Variants in ZPBP observed in about 807,000 individuals in gnomAD.
ZPBP encodes zona pellucida-binding protein 1.
A neutral mutation model predicts 44.8 loss-of-function variants in ZPBP; 26 were observed. The ratio of observed to expected loss-of-function variants is 0.58; its 90% CI spans 0.43 to 0.81. ZPBP has a LOEUF of 0.81. Ranked by LOEUF, ZPBP falls within the 30% of genes least tolerant of loss-of-function variation. ZPBP has a pLI of 0.00. For synonymous variants in ZPBP, 174 were observed against 153.2 expected (o/e 1.14, Z -1.00); for missense variants, 409 against 434.0 (o/e 0.94, Z 0.51).
chr7:50,055,539 A>G (rs773862515), intron 4 of ZPBP, among the ~76,000 whole-genome samples: 14 of 152,092 alleles, frequency 9.2e-5, no homozygotes, highest in Non-Finnish European at 1.9e-4. Flanking sequence ...TCCCTCCCCT[A>G]CTTAATAGCT....
chr7:49,943,160 G>C (rs62445820), intron 7 of ZPBP: 60,937 of 306,882 alleles, frequency 0.2, 8,104 homozygotes, highest in East Asian at 0.63. Context: ...TCCCAGTCCA[G>C]AAAGTTAGCT....
At chr7:49,963,542 T>A (rs970670068) in intron 7 of ZPBP, among the ~76,000 whole-genome samples, 8 of 151,832 alleles carry the variant, frequency 5.3e-5, no homozygotes, top group African/African-American at 1.9e-4. Flanking sequence ...ATGGTAGAGA[T>A]TGTGAAGTGG....
intron 6 of ZPBP, among the ~76,000 whole-genome samples, chr7:50,005,158 C>T (rs1268344253): frequency 1.3e-5 from 2 of 151,702 alleles, no homozygotes; most frequent in African/African-American, 4.8e-5. Context: ...TAAATGCTGT[C>T]AACTGTAAAT....
chr7:49,943,220 G>T, intron 7 of ZPBP: 1 of 314,606 alleles, frequency 3.2e-6, no homozygotes, highest in Non-Finnish European at 6.3e-6. Flanking sequence ...TTTATGTCTT[G>T]CTGATATATT....
At chr7:49,980,418 G>A (rs1796794945) in intron 7 of ZPBP, among the ~76,000 whole-genome samples, 1 of 148,358 alleles carries the variant, frequency 6.7e-6, no homozygotes, top group Admixed American at 7.0e-5. Context: ...ATTTATACCT[G>A]TCTTAGTCTG....
chr7:49,983,280 G>A, intron 7 of ZPBP, 62 bp downstream of exon 7: 2 of 1,474,608 alleles, frequency 1.4e-6, no homozygotes, highest in Non-Finnish European at 1.9e-6. Context: ...ATTCACTTAG[G>A]CTTAATGAAA....
intron 6 of ZPBP, among the ~76,000 whole-genome samples, chr7:50,009,448 C>G (rs1269688620): frequency 1.3e-5 from 2 of 151,092 alleles, no homozygotes; most frequent in East Asian, 3.9e-4. Context: ...TCATTCTGCA[C>G]CCCACTTACC....
intron 7 of ZPBP, among the ~76,000 whole-genome samples, chr7:49,982,715 G>T (rs1797085260): frequency 6.6e-6 from 1 of 151,772 alleles, no homozygotes; most frequent in African/African-American, 2.4e-5. Context: ...AGTGATATTA[G>T]TATAAATTGT....
chr7:49,893,430 T>C (rs1289313737), intron 2 of ZPBP, among the ~76,000 whole-genome samples: 1 of 152,238 alleles, frequency 6.6e-6, no homozygotes, highest in Non-Finnish European at 1.5e-5. Context: ...ATTTCTTCCA[T>C]AGAGACAAAA....
chr7:49,932,692 C>T (rs1794487367), downstream of ZPBP, among the ~76,000 whole-genome samples: 1 of 152,124 alleles, frequency 6.6e-6, no homozygotes, highest in African/African-American at 2.4e-5. Flanking sequence ...AATGTGAGGA[C>T]ATGAGATTTG....
At chr7:50,084,608 T>C (rs1802538903) in intron 2 of ZPBP, among the ~76,000 whole-genome samples, 2 of 151,854 alleles carry the variant, frequency 1.3e-5, no homozygotes, top group South Asian at 4.1e-4. Flanking sequence ...CAAAAAATCA[T>C]GCAGTCAGTA....
rs1793598163 is a variant in ZPBP at position 49,914,109 on chromosome 7, G to A, written n.412-12894C>T. On this transcript the variant is annotated intron_variant and non_coding_transcript_variant, in intron 1 of 2. Coordinates refer to the ZPBP transcript ENST00000465922. ...CTTTATTCAAGGATGGATTGTTTGA[G>A]ACACAGTTATTTAAAGTTGTCGTTT... 3.3e-5 allele frequency: 5 copies of A among 152,202 alleles called. No homozygotes were observed. In the South Asian group the frequency reaches 1.0e-3, roughly 32 times the overall value. 9.4% of individuals were successfully genotyped at this position (152,202 alleles called of 1,614,324 possible).
chr7:49,977,374 T>C (rs893295103), intron 7 of ZPBP, among the ~76,000 whole-genome samples: 1 of 152,152 alleles, frequency 6.6e-6, no homozygotes, highest in Non-Finnish European at 1.5e-5. Flanking sequence ...TCTCTGATCC[T>C]CTGATGTAAA....
At chr7:49,896,270 G>A (rs562087328) in intron 2 of ZPBP, among the ~76,000 whole-genome samples, 1 of 152,304 alleles carries the variant, frequency 6.6e-6, no homozygotes, top group East Asian at 1.9e-4. Context: ...GAACCCAGAA[G>A]GTGGAGGTTG....
chr7:50,089,112 T>C (rs1327282170), intron 2 of ZPBP, among the ~76,000 whole-genome samples: 1 of 152,080 alleles, frequency 6.6e-6, no homozygotes, highest in Non-Finnish European at 1.5e-5. Context: ...TAGGTCTTTC[T>C]TTTTGGGGTG....
At chr7:50,053,976 C>T (rs1800811752) in intron 4 of ZPBP, among the ~76,000 whole-genome samples, 1 of 152,160 alleles carries the variant, frequency 6.6e-6, no homozygotes, top group Non-Finnish European at 1.5e-5. Context: ...GCAGCTTCCG[C>T]CTCCCAGGTT....
chr7:49,934,348 T>C (rs954407908), downstream of ZPBP, among the ~76,000 whole-genome samples: 10 of 152,208 alleles, frequency 6.6e-5, no homozygotes, highest in Non-Finnish European at 1.5e-4. Flanking sequence ...ATGTCTTCTC[T>C]ACTTTGCTAC....
chr7:49,902,172 AAG>A (rs1792785691), intron 1 of ZPBP, among the ~76,000 whole-genome samples: 1 of 152,028 alleles, frequency 6.6e-6, no homozygotes, highest in Non-Finnish European at 1.5e-5. Flanking sequence ...ATAATAAAGA[AAG>A]AATTGATGGG....
chr7:49,983,573 G>A lies in ZPBP; in HGVS notation c.784-54C>T, dbSNP rs1007361951. 7 of 1,159,140 alleles carry A rather than the reference G, an allele frequency of 6.0e-6. No homozygotes were observed. The East Asian group carries it at 1.5e-4, about 25-fold the overall frequency. The allele number at this position is 1,159,140 out of a possible 1,614,324, so 71.8% of individuals were successfully genotyped here. On this transcript the variant is annotated intron_variant, in intron 6 of 7. Coordinates refer to ENST00000046087, the MANE Select transcript of ZPBP (RefSeq NM_007009.3). ...GTTAGCCATAAAAAATGTAATTTTA[G>A]AACAAATAAGGATGCATGTGGATTT...
Sources: allele counts gnomAD v4.1 joint callset (sites outside exome capture counted in the v4.1 genomes callset), GRCh38; gene constraint gnomAD v4.1.1; transcripts MANE v1.5; gene names NCBI Gene and HGNC (gene_info 2026-07-23, HGNC 2026-07-21).